HOMER1: variants seen among roughly 807,000 people sequenced by gnomAD.
HOMER1 encodes homer protein homolog 1.
A neutral mutation model predicts 48.9 loss-of-function variants in HOMER1; 3 were observed. The observed-to-expected ratio is 0.06, with a 90% confidence interval of 0.03 to 0.16. HOMER1 has a LOEUF of 0.16. HOMER1 is among the 10% of genes least tolerant of loss of function. HOMER1 has a pLI of 1.00. For synonymous variants in HOMER1, 134 were observed against 146.4 expected (o/e 0.92, Z 0.61); for missense variants, 247 against 411.4 (o/e 0.60, Z 3.46).
chr5:79,388,002 A>G (rs1749159723), intron 8 of HOMER1, among the ~76,000 whole-genome samples: 1 of 152,248 alleles, frequency 6.6e-6, no homozygotes, highest in African/African-American at 2.4e-5. Context: ...GCAAAAGGGA[A>G]GGCAGAGTTG....
intron 5 of HOMER1, among the ~76,000 whole-genome samples, chr5:79,435,781 A>C (rs983926192): frequency 9.3e-5 from 14 of 151,332 alleles, no homozygotes; most frequent in African/African-American, 3.4e-4. Flanking sequence ...CAGTGAGCCA[A>C]GATTGAGCCA....
At chr5:79,485,077 T>TAAAACAA (rs1752060374) in intron 1 of HOMER1, among the ~76,000 whole-genome samples, 1 of 149,298 alleles carries the variant, frequency 6.7e-6, no homozygotes, top group Non-Finnish European at 1.5e-5. Flanking sequence ...GTGTCAAAAG[T>TAAAACAA]AAAACAAAAC....
intron 8 of HOMER1, 144 bp from the exon 9 acceptor site, chr5:79,376,341 A>T (rs530173152): frequency 1.6e-6 from 1 of 614,060 alleles, no homozygotes; most frequent in East Asian, 2.9e-5. Flanking sequence ...GCACAATTTA[A>T]GGAGATTTTA....
intron 4 of HOMER1, among the ~76,000 whole-genome samples, chr5:79,443,833 T>C (rs1172723547): frequency 6.6e-6 from 1 of 152,194 alleles, no homozygotes; most frequent in Non-Finnish European, 1.5e-5. Context: ...GACCTGACAC[T>C]GTGTCGTTAC....
chr5:79,461,817 C>A (rs374740182), intron 1 of HOMER1, among the ~76,000 whole-genome samples: 1 of 152,060 alleles, frequency 6.6e-6, no homozygotes, highest in East Asian at 1.9e-4. Context: ...ATTTCTTAAA[C>A]GGGTACTTGT....
intron 1 of HOMER1, among the ~76,000 whole-genome samples, chr5:79,459,321 C>A (rs1023387982): frequency 1.3e-5 from 2 of 152,220 alleles, no homozygotes; most frequent in South Asian, 4.1e-4. Flanking sequence ...AGACTTTCTA[C>A]ATCATATTGA....
intron 1 of HOMER1, among the ~76,000 whole-genome samples, chr5:79,498,776 G>C (rs1752492517): frequency 6.6e-6 from 1 of 151,654 alleles, no homozygotes; most frequent in South Asian, 2.1e-4. Context: ...CAACTACCTC[G>C]GGATGATTCA....
rs1477339933 is a variant in HOMER1 at position 79,512,671 on chromosome 5, G to C, written c.5+99C>G. ...AAAGTATGACCAGCTTAGCAAGGTG[G>C]CAAGTTTGTTTGAAAACACAAAACA... On this transcript the variant is annotated intron_variant, in intron 1 of 8. Transcript: ENST00000334082. 6.9e-6 allele frequency: 8 copies of C among 1,151,614 alleles called. No homozygotes were observed. The South Asian group carries it at 9.1e-5, about 13-fold the overall frequency. 71.3% of individuals were successfully genotyped at this position (1,151,614 alleles called of 1,614,324 possible).
intron 1 of HOMER1, among the ~76,000 whole-genome samples, chr5:79,484,840 T>TA (rs1175500326): frequency 6.6e-6 from 1 of 152,180 alleles, no homozygotes. Flanking sequence ...CAATATCTGT[T>TA]AAGTGAATGA....
At chr5:79,478,427 G>A (rs1053719193) in intron 1 of HOMER1, among the ~76,000 whole-genome samples, 1 of 152,150 alleles carries the variant, frequency 6.6e-6, no homozygotes, top group Non-Finnish European at 1.5e-5. Flanking sequence ...AGTGGCTCAC[G>A]CCTGTAATCC....
intron 1 of HOMER1, among the ~76,000 whole-genome samples, chr5:79,467,654 C>G (rs1196612391): frequency 6.6e-6 from 1 of 152,116 alleles, no homozygotes; most frequent in African/African-American, 2.4e-5. Flanking sequence ...GTATAGTATT[C>G]CCTGTATTAT....
intron 5 of HOMER1, among the ~76,000 whole-genome samples, chr5:79,413,814 G>A (rs1277120757): frequency 6.6e-6 from 1 of 152,000 alleles, no homozygotes; most frequent in East Asian, 1.9e-4. Flanking sequence ...CAACAGTTTA[G>A]GGTCTGAATT....
rs1179454269 is a variant in HOMER1, at chr5:79,374,911, G to C, written c.*1098C>G. 6.6e-6 allele frequency: 1 copy of C among 151,974 alleles called. No individual in the cohort carries two copies. The highest frequency in any genetic ancestry group is 2.4e-5 in the African/African-American group (1 of 41,410). 9.4% of individuals were successfully genotyped at this position (151,974 alleles called of 1,614,324 possible). ...TGAATCAAGATGTGATTGATGTGTA[G>C]AGCCAGATAGAGTACATGACTCCAT... On this transcript the variant is annotated 3_prime_UTR_variant, in exon 9 of 9. Transcript: ENST00000334082.
intron 1 of HOMER1, 145 bp downstream of exon 1, chr5:79,512,625 G>T: frequency 1.4e-6 from 1 of 725,252 alleles, no homozygotes; most frequent in Non-Finnish European, 2.3e-6. Context: ...TAACCTAAAA[G>T]GTTAGCATGC....
chr5:79,509,267 C>A (rs1354723836), intron 1 of HOMER1, among the ~76,000 whole-genome samples: 2 of 152,178 alleles, frequency 1.3e-5, no homozygotes, highest in African/African-American at 2.4e-5. Flanking sequence ...TTAACAGATT[C>A]CATTAGCAGG....
At chr5:79,509,705 GTTC>G (rs1295166344) in intron 1 of HOMER1, among the ~76,000 whole-genome samples, 1 of 152,114 alleles carries the variant, frequency 6.6e-6, no homozygotes, top group Non-Finnish European at 1.5e-5. Flanking sequence ...AGTTTCAGCT[GTTC>G]TTCTCCATTT....
chr5:79,450,864 C>T (rs1751008997), intron 3 of HOMER1, 126 bp downstream of exon 3: 1 of 871,426 alleles, frequency 1.1e-6, no homozygotes, highest in Non-Finnish European at 1.7e-6. Flanking sequence ...TCTGAAGTCA[C>T]TACTGCTGTT....
At chr5:79,390,481 C>T (rs971535704) in intron 8 of HOMER1, among the ~76,000 whole-genome samples, 1 of 151,914 alleles carries the variant, frequency 6.6e-6, no homozygotes, top group East Asian at 1.9e-4. Flanking sequence ...GAGCAAAGAA[C>T]ACATCATATA....
chr5:79,418,418 C>T (rs1313889960), intron 5 of HOMER1, among the ~76,000 whole-genome samples: 1 of 152,188 alleles, frequency 6.6e-6, no homozygotes, highest in Non-Finnish European at 1.5e-5. Context: ...TGTATTCCAA[C>T]TCCAGATTAG....
Sources: allele counts gnomAD v4.1 joint callset (sites outside exome capture counted in the v4.1 genomes callset), GRCh38; gene constraint gnomAD v4.1.1; transcripts MANE v1.5; gene names NCBI Gene and HGNC (gene_info 2026-07-23, HGNC 2026-07-21).